Variants in KSR2 observed in about 807,000 individuals in gnomAD.
KSR2 encodes kinase suppressor of ras 2.
Under a neutral mutation model 107.8 loss-of-function variants are expected in KSR2, and 25 were observed. The observed-to-expected ratio is 0.23, with a 90% CI of 0.17 to 0.32. The LOEUF is 0.32. Among genes scored for constraint, KSR2 ranks in the 10% least tolerant of loss-of-function variants. KSR2 has a pLI of 1.00. For missense variants in KSR2, 887 were observed against 1,268.9 expected (o/e 0.70, Z 4.57); for synonymous variants, 480 against 507.0 (o/e 0.95, Z 0.71).
chr12:117,901,093 A>G lies in KSR2; in HGVS notation c.181-40662T>C, dbSNP rs556848766. 5.3e-5 allele frequency among the ~76,000 whole-genome samples: 8 copies of G among 152,268 alleles called. No individual in the cohort carries two copies. The South Asian group carries it at 1.7e-3, about 32-fold the overall frequency. On this transcript the variant is annotated intron_variant, in intron 1 of 19. Coordinates refer to ENST00000339824, the MANE Select transcript of KSR2 (RefSeq NM_173598.6). ...CATTGTGACAAACGCTCATGAATGA[A>G]ACAGTGCACAGTGCGTCATGGAAGG...
chr12:117,913,855 T>G (rs1264198140), intron 1 of KSR2, among the ~76,000 whole-genome samples: 1 of 152,182 alleles, frequency 6.6e-6, no homozygotes, highest in Non-Finnish European at 1.5e-5. Flanking sequence ...TTCTCCACGC[T>G]GGAGTCTCGG....
intron 2 of KSR2, among the ~76,000 whole-genome samples, chr12:117,859,096 T>C (rs1893194761): frequency 6.6e-6 from 1 of 150,790 alleles, no homozygotes; most frequent in Admixed American, 6.6e-5. Context: ...AGTAACAGGC[T>C]GGCATCTACT....
Position 117,847,000 on chromosome 12 carries a change from A to C in KSR2, c.472+8428T>G, listed in dbSNP as rs76501092. ...GCCATTTGCGCCTAAGCGCGTTCGC[A>C]TCAGGTTTCTGCCGCTCGTAAGCGA... On this transcript the variant is annotated intron_variant, in intron 3 of 19. Coordinates refer to ENST00000339824, the MANE Select transcript of KSR2 (RefSeq NM_173598.6). Among the ~76,000 whole-genome samples, 40 of 152,370 alleles carry C rather than the reference A, an allele frequency of 2.6e-4. 1 individual carries two copies. In the East Asian group the frequency reaches 7.3e-3, roughly 28 times the overall value.
Position 117,919,288 on chromosome 12 carries a change from G to A in KSR2, c.180+48788C>T, listed in dbSNP as rs576231930. On this transcript the variant is annotated intron_variant, in intron 1 of 19. Transcript: ENST00000339824. ...CTAGGCTGTGCAGACCCTTAACAATGAAGAGATAGTCCAGATTTCTACTCT... is the reference window on the plus strand; with the variant it reads ...CTAGGCTGTGCAGACCCTTAACAATAAAGAGATAGTCCAGATTTCTACTCT... 6.7e-4 allele frequency among the ~76,000 whole-genome samples: 102 copies of A among 152,358 alleles called. 1 individual carries two copies. Among genetic ancestry groups the A allele is most frequent in the Non-Finnish European group, 1.3e-4 (9 of 68,034 alleles).
At chr12:117,869,658 C>T (rs1187813942) in intron 1 of KSR2, among the ~76,000 whole-genome samples, 2 of 152,178 alleles carry the variant, frequency 1.3e-5, no homozygotes, top group Non-Finnish European at 2.9e-5. Context: ...TAGTAGTAAG[C>T]CCTGAGGGTC....
intron 1 of KSR2, among the ~76,000 whole-genome samples, chr12:117,938,471 T>C (rs1895909331): frequency 1.3e-5 from 2 of 151,556 alleles, no homozygotes; most frequent in Admixed American, 6.6e-5. Flanking sequence ...CTAGGCAACA[T>C]AGAGAGACCT....
intron 5 of KSR2, among the ~76,000 whole-genome samples, chr12:117,620,019 C>G (rs773459560): frequency 5.3e-5 from 8 of 152,142 alleles, no homozygotes; most frequent in Non-Finnish European, 8.8e-5. Flanking sequence ...CTGGATATTT[C>G]AAACAAACGA....
intron 5 of KSR2, among the ~76,000 whole-genome samples, chr12:117,608,057 C>A (rs1517195): frequency 0.38 from 58,314 of 152,112 alleles, 12,413 homozygotes; most frequent in South Asian, 0.54. Flanking sequence ...ATGCTTTTAC[C>A]AAACTGTGGA....
intron 4 of KSR2, among the ~76,000 whole-genome samples, chr12:117,711,301 A>T (rs886212652): frequency 6.6e-6 from 1 of 152,230 alleles, no homozygotes; most frequent in South Asian, 2.1e-4. Flanking sequence ...TGAAACTGAG[A>T]TCAGAAGGAT....
At chr12:117,586,462 C>T (rs575860050) in intron 5 of KSR2, among the ~76,000 whole-genome samples, 5 of 151,242 alleles carry the variant, frequency 3.3e-5, no homozygotes, top group African/African-American at 1.2e-4. Context: ...TGGCGGGCAC[C>T]GGTAATCCCA....
chr12:117,628,828 T>A (rs1882663434), intron 5 of KSR2, among the ~76,000 whole-genome samples: 3 of 152,250 alleles, frequency 2.0e-5, no homozygotes, highest in African/African-American at 7.2e-5. Context: ...CTAGAGGCAG[T>A]AGGCCTTGTT....
At chr12:117,932,788 A>G (rs1274589240) in intron 1 of KSR2, among the ~76,000 whole-genome samples, 1 of 152,122 alleles carries the variant, frequency 6.6e-6, no homozygotes, top group Non-Finnish European at 1.5e-5. Flanking sequence ...TGAGGCGGGC[A>G]GATCACCTGA....
intron 3 of KSR2, among the ~76,000 whole-genome samples, chr12:117,792,944 G>A (rs934370124): frequency 3.2e-4 from 32 of 99,818 alleles, no homozygotes; most frequent in Non-Finnish European, 5.2e-4. Flanking sequence ...ATGCACACAC[G>A]CTCACACCAA....
At chr12:117,958,887 A>G (rs931006931) in intron 1 of KSR2, among the ~76,000 whole-genome samples, 1 of 106,722 alleles carries the variant, frequency 9.4e-6, no homozygotes, top group Non-Finnish European at 2.1e-5. Flanking sequence ...AATACTTTTT[A>G]CAGATATATA....
chr12:117,867,994 G>T (rs1159687769), intron 1 of KSR2, among the ~76,000 whole-genome samples: 1 of 152,026 alleles, frequency 6.6e-6, no homozygotes, highest in Non-Finnish European at 1.5e-5. Context: ...TCTTTCTTGG[G>T]ACTTTATTTA....
At chr12:117,876,735 AATAC>A in intron 1 of KSR2, among the ~76,000 whole-genome samples, 1 of 149,180 alleles carries the variant, frequency 6.7e-6, no homozygotes, top group East Asian at 1.9e-4. Flanking sequence ...ATTCATATAT[AATAC>A]ATAATATAAT....
intron 4 of KSR2, among the ~76,000 whole-genome samples, chr12:117,687,808 C>T (rs933324558): frequency 2.0e-5 from 3 of 152,198 alleles, no homozygotes; most frequent in African/African-American, 7.2e-5. Context: ...CAGCATGACA[C>T]ACGATGGAAA....
chr12:117,583,869 G>T (rs533186826), intron 5 of KSR2, among the ~76,000 whole-genome samples: 23 of 152,332 alleles, frequency 1.5e-4, no homozygotes, highest in Non-Finnish European at 2.6e-4. Context: ...GATGGAGCCA[G>T]CTCCCTGTTT....
At chr12:117,875,434 A>C (rs550485512) in intron 1 of KSR2, among the ~76,000 whole-genome samples, 1 of 151,728 alleles carries the variant, frequency 6.6e-6, no homozygotes, top group South Asian at 2.1e-4. Context: ...CCTTGCAAGA[A>C]CCATCCCTGG....
Sources: allele counts gnomAD v4.1 joint callset (sites outside exome capture counted in the v4.1 genomes callset), GRCh38; gene constraint gnomAD v4.1.1; transcripts MANE v1.5; gene names NCBI Gene and HGNC (gene_info 2026-07-23, HGNC 2026-07-21).